The following EP400 variants were observed in gnomAD, a reference collection of about 807,000 sequenced individuals.
The protein encoded by EP400 is E1A binding protein p400, also known as E1A-binding protein p400.
Under a neutral mutation model 354.1 loss-of-function variants are expected in EP400, and 105 were observed. The observed-to-expected ratio is 0.30, with a 90% CI of 0.25 to 0.35. EP400 has a LOEUF of 0.35. EP400 is among the 10% of genes least tolerant of loss of function. The pLI is 1.00. For missense variants in EP400, 3,280 were observed against 4,121.0 expected (o/e 0.80, Z 5.59); for synonymous variants, 1,646 against 1,716.9 (o/e 0.96, Z 1.02).
In EP400 at chr12:132,048,015, C is replaced by G. The variant is rs182696860; in HGVS notation, c.7200+2115C>G. ...AGAAATACGGCTCTGTTCCGCCTGG[C>G]TCACCGGCAGTCAGAGTTTAAGGTT... On this transcript the variant is annotated intron_variant, in intron 39 of 52. Coordinates refer to ENST00000389561, the MANE Select transcript of EP400 (RefSeq NM_015409.5). Among the ~76,000 whole-genome samples the G allele has an allele frequency of 4.2e-4, 64 of 152,356 alleles. 1 individual carries two copies. The highest frequency in any genetic ancestry group is 1.4e-3 in the African/African-American group (59 of 41,594).
At chr12:131,952,349 T>C (rs1891540990) in intron 1 of EP400, among the ~76,000 whole-genome samples, 3 of 150,342 alleles carry the variant, frequency 2.0e-5, no homozygotes, top group African/African-American at 7.3e-5. Context: ...GGTTTCACCA[T>C]GTTGGCCAGG....
At position 132,045,563 on chromosome 12, in the gene EP400, A is replaced by T. The variant is rs1275347935; in HGVS notation, c.7026+3A>T. On this transcript the variant is annotated splice_donor_region_variant and intron_variant, in intron 38 of 52. Coordinates refer to ENST00000389561, the MANE Select transcript of EP400 (RefSeq NM_015409.5). ...GTGAGGACTGGGCGCTGCTGCAGGT[A>T]GGTGGGCGTGGTCTTTGTGCCAGCG... The T allele has an allele frequency of 3.1e-6, 5 of 1,613,734 alleles. No homozygotes were observed. The highest frequency in any genetic ancestry group is 4.2e-6 in the Non-Finnish European group (5 of 1,179,674).
chr12:131,990,224 A>G lies in EP400; in HGVS notation c.2550+120A>G. The stretch of plus-strand genomic sequence containing the variant: ...AAGCTTTCGAGCACCAGAGTCAGCA[A>G]CGTGTGCACTCTCCTGGGCTGTTGC... On this transcript the variant is annotated intron_variant, in intron 8 of 52. Transcript: ENST00000389561. The surrounding 1 kb of genome is among the most constrained non-coding windows in gnomAD (Gnocchi z 4.2). The G allele has an allele frequency of 5.1e-6, 6 of 1,171,274 alleles. No individual in the cohort carries two copies. Among genetic ancestry groups the G allele is most frequent in the Non-Finnish European group, 6.0e-6 (5 of 832,610 alleles). The allele number at this position is 1,171,274 out of a possible 1,614,324, so 72.6% of individuals were successfully genotyped here.
intron 34 of EP400, among the ~76,000 whole-genome samples, chr12:132,043,974 G>A (rs922350175): frequency 6.6e-6 from 1 of 152,258 alleles, no homozygotes; most frequent in African/African-American, 2.4e-5. Flanking sequence ...TTCTACCCCT[G>A]TAGGGACCAT....
intron 1 of EP400, among the ~76,000 whole-genome samples, chr12:131,960,172 T>A (rs1051236861): frequency 7.9e-5 from 12 of 152,200 alleles, no homozygotes; most frequent in Non-Finnish European, 1.6e-4. Flanking sequence ...CTCTTCTGCC[T>A]GCTGGCTGCG....
chr12:131,996,554 G>A (rs1893224438), intron 12 of EP400, among the ~76,000 whole-genome samples: 1 of 152,126 alleles, frequency 6.6e-6, no homozygotes, highest in Non-Finnish European at 1.5e-5. Flanking sequence ...GCCTCCCGAA[G>A]TGCTGGGATT....
At chr12:131,956,952 A>C (rs1261749192) in intron 1 of EP400, among the ~76,000 whole-genome samples, 8 of 146,030 alleles carry the variant, frequency 5.5e-5, no homozygotes, top group Non-Finnish European at 1.2e-4. Flanking sequence ...GCTCACTGCA[A>C]CCTCCACCTC....
chr12:132,069,175 C>G (rs370384981), intron 50 of EP400: 1 of 329,372 alleles, frequency 3.0e-6, no homozygotes, highest in African/African-American at 2.1e-5. Flanking sequence ...GTAGCAGCCC[C>G]GTGCAGGTGT....
Position 132,053,211 on chromosome 12 carries a change from C to T in EP400, c.7460C>T (p.Ala2487Val). 6.2e-7 allele frequency: 1 copy of T among 1,613,874 alleles called. No individual in the cohort carries two copies. Among genetic ancestry groups the T allele is most frequent in the South Asian group, 1.1e-5 (1 of 91,066 alleles). The stretch of plus-strand genomic sequence containing the variant: ...GCATCTCTCCGTGCAGAGCGAATCG[C>T]AAAAGAGAAAAAGGTCAGCGCCCTG... ...QVASLRAERIAKEKKALADQQ... is the reference protein window; with the variant it reads ...QVASLRAERIVKEKKALADQQ... The change falls in exon 42 of 53, where the codon GCA (alanine) becomes GTA (valine). Residue 2487 changes from alanine to valine, a missense_variant. Physicochemically the swap from Ala to Val is moderately conservative, Grantham distance 64 (BLOSUM62 0). This residue lies in a region of EP400 where 29 missense variants were observed against 86.0 expected (regional missense o/e 0.34). Coordinates refer to ENST00000389561, the MANE Select transcript of EP400 (RefSeq NM_015409.5).
In EP400 at chr12:132,025,971, A is replaced by C. The variant is rs1048622597; in HGVS notation, c.5014+167A>C. ...ATGTGTCCTAGTGTCAGCCTGATTT[A>C]TTTTCTTTTTCTTGTGCTTTCAAAG... On this transcript the variant is annotated intron_variant, in intron 25 of 52. Transcript: ENST00000389561. The surrounding 1 kb of genome is among the most constrained non-coding windows in gnomAD (Gnocchi z 4.1). Among the ~76,000 whole-genome samples, 36 of 152,076 alleles carry C rather than the reference A, an allele frequency of 2.4e-4. 1 individual carries two copies. The highest frequency in any genetic ancestry group is 6.5e-4 in the Admixed American group (10 of 15,292).
intron 45 of EP400, among the ~76,000 whole-genome samples, chr12:132,057,631 A>G (rs1895556174): frequency 6.6e-6 from 1 of 152,218 alleles, no homozygotes; most frequent in African/African-American, 2.4e-5. Context: ...ACTCTTAAGC[A>G]GTAGAATATA....
chr12:131,977,285 C>T (rs535249394), intron 2 of EP400, among the ~76,000 whole-genome samples: 103 of 151,898 alleles, frequency 6.8e-4, no homozygotes, highest in Admixed American at 2.2e-3. Flanking sequence ...TACAGGCACC[C>T]GTCACCGCGT....
Position 132,031,940 on chromosome 12 carries a change from T to C in EP400, c.5755-13T>C. The C allele has an allele frequency of 6.3e-7, 1 of 1,592,494 alleles. No homozygotes were observed. The highest frequency in any genetic ancestry group is 8.6e-7 in the Non-Finnish European group (1 of 1,166,074). Reference sequence around the variant, plus strand: ...TCCAAGAATACTAACTCCTGTGTTTTGTTTCATCTTAGGAACTGATGAGGA... The same window carrying C: ...TCCAAGAATACTAACTCCTGTGTTTCGTTTCATCTTAGGAACTGATGAGGA... On this transcript the variant is annotated splice_polypyrimidine_tract_variant and intron_variant, in intron 29 of 52. Coordinates refer to ENST00000389561, the MANE Select transcript of EP400 (RefSeq NM_015409.5).
intron 29 of EP400, chr12:132,031,169 C>T: frequency 1.0e-5 from 5 of 486,458 alleles, no homozygotes; most frequent in Non-Finnish European, 2.1e-5. Flanking sequence ...AGTCATCTCC[C>T]TTCATGGTCA....
intron 5 of EP400, among the ~76,000 whole-genome samples, chr12:131,985,861 G>A (rs1032473892): frequency 2.8e-4 from 43 of 152,298 alleles, no homozygotes; most frequent in African/African-American, 9.4e-4. Context: ...GCCCACCTCG[G>A]CCTCTGAAAG....
chr12:131,984,260 T>C (rs1458777326), intron 5 of EP400, among the ~76,000 whole-genome samples: 1 of 152,206 alleles, frequency 6.6e-6, no homozygotes, highest in African/African-American at 2.4e-5. Flanking sequence ...GAAATAATAG[T>C]AACAATAATA....
intron 2 of EP400, among the ~76,000 whole-genome samples, chr12:131,964,272 G>C (rs1156952580): frequency 2.6e-5 from 4 of 152,150 alleles, no homozygotes. Context: ...TTCGAGACCA[G>C]CCTAGCCAAC....
In EP400 at chr12:132,077,806, G is replaced by A; in HGVS notation, c.*133G>A. 1 of 1,157,986 alleles carries A rather than the reference G, an allele frequency of 8.6e-7. No homozygotes were observed. The highest frequency in any genetic ancestry group is 1.6e-5 in the African/African-American group (1 of 64,422). 71.7% of individuals were successfully genotyped at this position (1,157,986 alleles called of 1,614,324 possible). A position where few individuals can be genotyped will look rare whatever the true frequency, so the allele number is the denominator to read the frequency against. On this transcript the variant is annotated 3_prime_UTR_variant, in exon 53 of 53. Coordinates refer to ENST00000389561, the MANE Select transcript of EP400 (RefSeq NM_015409.5). Reference sequence around the variant, plus strand: ...AAAGATATAATTGAAACAAAATAGTGTAATCATTTTATTAAAATGCATCCC... The same window carrying A: ...AAAGATATAATTGAAACAAAATAGTATAATCATTTTATTAAAATGCATCCC...
At chr12:132,010,168 A>G (rs1483296851) in intron 15 of EP400, among the ~76,000 whole-genome samples, 3 of 145,924 alleles carry the variant, frequency 2.1e-5, no homozygotes, top group Non-Finnish European at 4.5e-5. Flanking sequence ...GCTCACTGCA[A>G]CCTCTGCCTC....
Sources: allele counts gnomAD v4.1 joint callset (sites outside exome capture counted in the v4.1 genomes callset), GRCh38; gene constraint gnomAD v4.1.1; regional missense constraint gnomAD v4.1.1; non-coding constraint Gnocchi (gnomAD v3.1); transcripts MANE v1.5; gene names NCBI Gene and HGNC (gene_info 2026-07-23, HGNC 2026-07-21).